Variants in ARHGAP10 observed in about 807,000 individuals in gnomAD.
ARHGAP10 encodes rho GTPase-activating protein 10.
In ARHGAP10, 87 loss-of-function variants were observed where a neutral mutation model predicts 108.6. That is an observed-to-expected ratio of 0.80 (90% CI 0.67 to 0.96). The LOEUF (loss-of-function observed/expected upper bound fraction) is 0.96. Ranked by LOEUF, ARHGAP10 falls within the 40% of genes least tolerant of loss-of-function variation. The pLI is 0.00. For missense variants in ARHGAP10, 939 were observed against 954.5 expected, an observed-to-expected ratio of 0.98 and a Z score of 0.21; for synonymous variants, 347 against 341.1, an observed-to-expected ratio of 1.02 and a Z score of -0.19.
intron 18 of ARHGAP10, among the ~76,000 whole-genome samples, chr4:147,976,910 C>T (rs545494309): frequency 6.6e-6 from 1 of 152,324 alleles, no homozygotes; most frequent in Non-Finnish European, 1.5e-5. Context: ...TCTGAGAAAG[C>T]ATACTGAGTA....
chr4:147,978,574 C>T (rs1452041470), intron 18 of ARHGAP10, among the ~76,000 whole-genome samples: 1 of 152,168 alleles, frequency 6.6e-6, no homozygotes, highest in African/African-American at 2.4e-5. Context: ...TGCTTGCTCA[C>T]TCTCTCCTGC....
Position 147,732,334 on chromosome 4 carries a change from C to T in ARHGAP10, c.33C>T (p.Cys11=), listed in dbSNP as rs1021133269. The T allele has an allele frequency of 3.7e-6, 6 of 1,613,090 alleles. No homozygotes were observed. The highest frequency in any genetic ancestry group is 4.5e-5 in the East Asian group (2 of 44,818). MGLQPLEFSD[C]YLDSPWFRER... The stretch of plus-strand genomic sequence containing the variant: ...TGCAGCCCCTGGAGTTCAGCGACTG[C>T]TACCTCGACAGCCCGTGGTTCCGGG... Residue 11 remains cysteine, a synonymous_variant, in exon 1 of 23, where the codon TGC becomes TGT. Coordinates refer to ENST00000336498, the MANE Select transcript of ARHGAP10 (RefSeq NM_024605.4).
intron 9 of ARHGAP10, among the ~76,000 whole-genome samples, chr4:147,880,162 A>G (rs1401598654): frequency 6.6e-6 from 1 of 152,224 alleles, no homozygotes; most frequent in Non-Finnish European, 1.5e-5. Flanking sequence ...ACAATAATTA[A>G]TGGCCTAGAG....
chr4:147,740,071 CAG>C (rs1445172164), intron 1 of ARHGAP10, among the ~76,000 whole-genome samples: 11 of 118,976 alleles, frequency 9.2e-5, no homozygotes, highest in African/African-American at 2.9e-4. Flanking sequence ...TTTTTTGAGA[CAG>C]AGTCTTGCTC....
At chr4:147,893,869 C>A (rs531357932) in intron 10 of ARHGAP10, among the ~76,000 whole-genome samples, 2 of 151,938 alleles carry the variant, frequency 1.3e-5, no homozygotes, top group East Asian at 1.9e-4. Flanking sequence ...GTATATAGGT[C>A]TCTGTGTTTT....
chr4:148,002,437 T>A (rs1740758463), intron 18 of ARHGAP10, among the ~76,000 whole-genome samples: 1 of 152,234 alleles, frequency 6.6e-6, no homozygotes, highest in African/African-American at 2.4e-5. Flanking sequence ...TCAAATGAGT[T>A]AGGGAGGATT....
Position 148,047,051 on chromosome 4 carries a change from T to C in ARHGAP10, c.2027T>C (p.Ile676Thr), listed in dbSNP as rs1038838156. ...GGSFGDWASTIPGQTRSSMVQ... is the reference protein window; with the variant it reads ...GGSFGDWASTTPGQTRSSMVQ... ...AGCTTTGGAGACTGGGCATCCACTA[T>C]GTAAGTAACCGTGCTTCTGTTGGGT... The change falls in exon 20 of 23, where the codon ATC becomes ACC. Residue 676 changes from isoleucine to threonine, a missense_variant and splice_region_variant. Transcript: ENST00000336498. 4 of 1,613,938 alleles carry C rather than the reference T, an allele frequency of 2.5e-6. No individual in the cohort carries two copies. The African/African-American group carries it at 4.0e-5, about 16-fold the overall frequency.
intron 1 of ARHGAP10, among the ~76,000 whole-genome samples, chr4:147,783,090 T>C (rs1730620443): frequency 7.0e-6 from 1 of 143,074 alleles, no homozygotes; most frequent in Admixed American, 7.3e-5. Flanking sequence ...TGTTAAATTA[T>C]ATATTATGTA....
chr4:147,782,979 T>A (rs1177429234), intron 1 of ARHGAP10, among the ~76,000 whole-genome samples: 1 of 137,312 alleles, frequency 7.3e-6, no homozygotes, highest in East Asian at 2.0e-4. Context: ...AAATTATATA[T>A]TATATAAATT....
At chr4:147,779,919 A>C (rs1287010224) in intron 1 of ARHGAP10, among the ~76,000 whole-genome samples, 1 of 152,164 alleles carries the variant, frequency 6.6e-6, no homozygotes, top group Admixed American at 6.5e-5. Flanking sequence ...AATTTTCCCT[A>C]GACACTTACA....
chr4:147,957,197 C>T lies in ARHGAP10; in HGVS notation c.1450+1823C>T, dbSNP rs1033325983. 5.3e-5 allele frequency among the ~76,000 whole-genome samples: 8 copies of T among 152,104 alleles called. No homozygotes were observed. In the South Asian group the frequency reaches 1.0e-3, roughly 20 times the overall value. On this transcript the variant is annotated intron_variant, in intron 16 of 22. Coordinates refer to ENST00000336498, the MANE Select transcript of ARHGAP10 (RefSeq NM_024605.4). ...ATTGGCATGGATTTGCACCTAAGTG[C>T]CGTTGTGGTTGGAATGGGACCTGTA...
chr4:147,766,734 A>G (rs974699204), intron 1 of ARHGAP10, among the ~76,000 whole-genome samples: 8 of 145,474 alleles, frequency 5.5e-5, no homozygotes, highest in Non-Finnish European at 1.2e-4. Flanking sequence ...ATAAATATAT[A>G]TTATATACGT....
intron 1 of ARHGAP10, among the ~76,000 whole-genome samples, chr4:147,735,369 G>A (rs751800738): frequency 6.6e-6 from 1 of 152,168 alleles, no homozygotes; most frequent in Admixed American, 6.5e-5. Flanking sequence ...CAGGGACAAG[G>A]GTTTGTATGT....
At chr4:148,046,154 A>G (rs1023693598) in intron 19 of ARHGAP10, among the ~76,000 whole-genome samples, 1 of 152,186 alleles carries the variant, frequency 6.6e-6, no homozygotes, top group African/African-American at 2.4e-5. Context: ...TGCTCTTGTG[A>G]GCTCTCTTGT....
At chr4:147,784,855 A>AAATAT (rs60060102) in intron 1 of ARHGAP10, among the ~76,000 whole-genome samples, 1 of 105,732 alleles carries the variant, frequency 9.5e-6, no homozygotes, top group African/African-American at 3.7e-5. Context: ...TATATATTAT[A>AAATAT]AATATATTAT....
At chr4:147,840,053 A>G (rs1264740812) in intron 3 of ARHGAP10, among the ~76,000 whole-genome samples, 1 of 152,142 alleles carries the variant, frequency 6.6e-6, no homozygotes, top group Non-Finnish European at 1.5e-5. Context: ...TCCCAGATTG[A>G]TAGAGATGGA....
In ARHGAP10 at chr4:148,030,512, C is replaced by T. The variant is rs190261336; in HGVS notation, c.1867+7099C>T. 2.3e-3 allele frequency among the ~76,000 whole-genome samples: 352 copies of T among 152,312 alleles called. 1 individual carries two copies. The highest frequency in any genetic ancestry group is 3.8e-3 in the Non-Finnish European group (260 of 68,024). On this transcript the variant is annotated intron_variant, in intron 19 of 22. Transcript: ENST00000336498. ...AAATCTTGAGGGAGAAGGTATTTCT[C>T]TGTGTAACCAATTCCAAGTGACTTC...
chr4:147,765,066 T>C (rs1729736923), intron 1 of ARHGAP10, among the ~76,000 whole-genome samples: 1 of 152,148 alleles, frequency 6.6e-6, no homozygotes, highest in East Asian at 1.9e-4. Context: ...TCTGTAGGTG[T>C]TCGTAGATTC....
At chr4:147,768,820 C>T (rs148638243) in intron 1 of ARHGAP10, among the ~76,000 whole-genome samples, 1 of 151,386 alleles carries the variant, frequency 6.6e-6, no homozygotes, top group Non-Finnish European at 1.5e-5. Flanking sequence ...TTCACTGCAG[C>T]CTCCGCCTCC....
Sources: gnomAD v4.1 joint callset for allele counts (sites outside exome capture counted in the v4.1 genomes callset) on GRCh38, gnomAD v4.1.1 for gene constraint, MANE v1.5 for transcripts, NCBI Gene and HGNC (gene_info 2026-07-23, HGNC 2026-07-21) for gene names.